Variants in GAD1 observed in about 807,000 individuals in gnomAD.
The protein encoded by GAD1 is 67 kDa glutamic acid decarboxylase.
A neutral mutation model predicts 75.2 loss-of-function variants in GAD1; 35 were observed. That is an observed-to-expected ratio of 0.47 (90% CI 0.36 to 0.62). GAD1 has a LOEUF of 0.62. Ranked by LOEUF, GAD1 falls within the 20% of genes least tolerant of loss-of-function variation. The pLI, the probability that GAD1 is intolerant of heterozygous loss-of-function variation, is 0.00. For synonymous variants in GAD1, 257 were observed against 271.9 expected (o/e 0.95, Z 0.54); for missense variants, 490 against 758.5 (o/e 0.65, Z 4.16).
chr2:170,853,707 G>T lies in GAD1; in HGVS notation c.1264-166G>T. On this transcript the variant is annotated intron_variant, in intron 13 of 16. Transcript: ENST00000358196. The surrounding 1 kb of genome is among the most constrained non-coding windows in gnomAD (Gnocchi z 4.1). ...ACAAAAGGGATGGCAGTTTTTCCAA[G>T]AGTGATTTTAGAAAAGGGCATCAGA... 1 of 663,848 alleles carries T rather than the reference G, an allele frequency of 1.5e-6. No individual in the cohort carries two copies. 41.1% of individuals were successfully genotyped at this position (663,848 alleles called of 1,614,324 possible).
rs766849940 is a variant in GAD1 at position 170,834,012 on chromosome 2, AAGAGAG to A, written c.548-2769_548-2764del. Reference sequence around the variant, plus strand: ...CAGGACCCTGTTTCAAAAAAAAAAAAAGAGAGAGAGAGAGAGAAAGCATTGACTTTC... The same window carrying A: ...CAGGACCCTGTTTCAAAAAAAAAAAAAGAGAGAGAGAAAGCATTGACTTTC... On this transcript the variant is annotated intron_variant, in intron 5 of 16. Coordinates refer to ENST00000358196, the MANE Select transcript of GAD1 (RefSeq NM_000817.3). 4.4e-4 allele frequency among the ~76,000 whole-genome samples: 67 copies of A among 151,196 alleles called. 1 individual carries two copies. The highest frequency in any genetic ancestry group is 3.7e-3 in the Admixed American group (56 of 15,228).
In GAD1 at chr2:170,828,447, C is replaced by T. The variant is rs541834082; in HGVS notation, c.146-1028C>T. ...GTCCTCACCCCTCCTCTTCCCTCCGCGGTCCTCGCTGTCCTCCCTCTGCTG... is the reference window on the plus strand; with the variant it reads ...GTCCTCACCCCTCCTCTTCCCTCCGTGGTCCTCGCTGTCCTCCCTCTGCTG... On this transcript the variant is annotated intron_variant, in intron 3 of 16. Transcript: ENST00000358196. Among the ~76,000 whole-genome samples, 815 of 141,384 alleles carry T rather than the reference C, an allele frequency of 5.8e-3. 1 individual carries two copies. The highest frequency in any genetic ancestry group is 0.02 in the African/African-American group (751 of 37,192). 92.8% of individuals were successfully genotyped at this position (141,384 alleles called of 152,430 possible). A position where few individuals can be genotyped will look rare whatever the true frequency, so the allele number is the denominator to read the frequency against.
intron 5 of GAD1, among the ~76,000 whole-genome samples, chr2:170,831,770 TATA>T (rs1021735345): frequency 6.5e-5 from 9 of 139,516 alleles, no homozygotes; most frequent in Middle Eastern, 3.6e-3. Context: ...AATATTTATA[TATA>T]ATATTTATAT....
chr2:170,858,924 C>G (rs1263221800), intron 16 of GAD1, 31 bp downstream of exon 16: 1 of 1,569,796 alleles, frequency 6.4e-7, no homozygotes, highest in Admixed American at 1.7e-5. Flanking sequence ...TCATCTAATC[C>G]TCTGCAATTT....
chr2:170,845,936 C>A, intron 9 of GAD1, 73 bp from the exon 10 acceptor site: 1 of 1,510,640 alleles, frequency 6.6e-7, no homozygotes, highest in Non-Finnish European at 9.2e-7. Flanking sequence ...CTTTTTGCTG[C>A]TGCTAAAGTT....
At chr2:170,828,700 G>T (rs1702123916) in intron 3 of GAD1, among the ~76,000 whole-genome samples, 1 of 108,396 alleles carries the variant, frequency 9.2e-6, no homozygotes, top group Admixed American at 1.1e-4. Flanking sequence ...CTCCTCCTCT[G>T]TTGTCCACAC....
Position 170,853,136 on chromosome 2 carries a change from C to T in GAD1, c.1263+344C>T. On this transcript the variant is annotated intron_variant, in intron 13 of 16. Transcript: ENST00000358196. The surrounding 1 kb of genome is among the most constrained non-coding windows in gnomAD (Gnocchi z 4.1). ...GTTTTGTCCTCAGTGAGGACAAAAG[C>T]ACTCACTGGAGCATACTCGGAGTTC... The T allele has an allele frequency of 2.7e-6, 1 of 374,738 alleles. No individual in the cohort carries two copies. Among genetic ancestry groups the T allele is most frequent in the South Asian group, 2.7e-5 (1 of 37,130 alleles). 23.2% of individuals were successfully genotyped at this position (374,738 alleles called of 1,614,324 possible).
At chr2:170,840,658 A>AAGGGAGGAAGGGAAGGGAGGGAGGG (rs1553578766) in intron 6 of GAD1, among the ~76,000 whole-genome samples, 5 of 77,348 alleles carry the variant, frequency 6.5e-5, no homozygotes, top group Non-Finnish European at 1.1e-4. Flanking sequence ...GGAGGTAGGG[A>AAGGGAGGAAGGGAAGGGAGGGAGGG]AGGGAGGGAG....
At chr2:170,839,592 C>T (rs1283841429) in intron 6 of GAD1, among the ~76,000 whole-genome samples, 1 of 147,890 alleles carries the variant, frequency 6.8e-6, no homozygotes, top group Admixed American at 6.8e-5. Context: ...CCAGCCCGGG[C>T]GACAGAACGA....
intron 14 of GAD1, among the ~76,000 whole-genome samples, chr2:170,854,478 G>A (rs1702809861): frequency 7.0e-6 from 1 of 142,838 alleles, no homozygotes; most frequent in Admixed American, 7.5e-5. Flanking sequence ...TCGGCTCACT[G>A]CAAGCTCCGC....
Position 170,818,355 on chromosome 2 carries a change from C to T in GAD1, c.-63-174C>T, listed in dbSNP as rs1701767999. On this transcript the variant is annotated intron_variant, in intron 1 of 16. Transcript: ENST00000358196. The surrounding 1 kb of genome is among the most constrained non-coding windows in gnomAD (Gnocchi z 5.9). ...GTACCGGAGCTAGCGCGCACGTCTC[C>T]TCCGCTGCCCCCACCCCTGCGCACC... The T allele has an allele frequency of 5.2e-6, 3 of 578,812 alleles. No individual in the cohort carries two copies. In the Admixed American group the frequency reaches 8.9e-5, roughly 17 times the overall value. The allele number at this position is 578,812 out of a possible 1,614,324, so 35.9% of individuals were successfully genotyped here.
At chr2:170,837,362 T>C (rs895589391) in intron 6 of GAD1, among the ~76,000 whole-genome samples, 1 of 152,270 alleles carries the variant, frequency 6.6e-6, no homozygotes, top group Non-Finnish European at 1.5e-5. Flanking sequence ...ACAGTATATA[T>C]TCTTTTCAAA....
intron 6 of GAD1, chr2:170,842,726 T>C: frequency 1.3e-6 from 2 of 1,589,302 alleles, no homozygotes; most frequent in Non-Finnish European, 8.6e-7. Context: ...AATGGACATA[T>C]TCTTTTTGGA....
In GAD1 at chr2:170,849,289, G is replaced by T. The variant is rs747515399; in HGVS notation, c.1123G>T (p.Ala375Ser). The change falls in exon 12 of 17, where the codon GCC becomes TCC. Residue 375 changes from alanine (A) to serine (S), a missense_variant. Physicochemically the swap from Ala to Ser is moderately conservative, Grantham distance 99. Coordinates refer to ENST00000358196, the MANE Select transcript of GAD1 (RefSeq NM_000817.3). ...TCTCCTTTCTCTGTCCCCACAGGCT[G>T]CCTGGGGAGGTGGGCTGCTCATGTC... ...KYNLWLHVDA[A>S]WGGGLLMSRK... The T allele has an allele frequency of 6.2e-7, 1 of 1,613,996 alleles. No homozygotes were observed. The highest frequency in any genetic ancestry group is 1.1e-5 in the South Asian group (1 of 91,070).
chr2:170,858,956 T>C (rs1702907767), intron 16 of GAD1, 63 bp downstream of exon 16: 2 of 1,398,084 alleles, frequency 1.4e-6, no homozygotes, highest in Non-Finnish European at 2.0e-6. Flanking sequence ...CAGGACATCC[T>C]CATTCCAATG....
At chr2:170,813,811 T>C (rs1701651083), upstream of GAD1, among the ~76,000 whole-genome samples, 1 of 152,168 alleles carries the variant, frequency 6.6e-6, no homozygotes, top group African/African-American at 2.4e-5. Flanking sequence ...CCAGCGGTGG[T>C]TGACCTAAGG....
At chr2:170,826,287 C>T (rs1322692763) in intron 3 of GAD1, among the ~76,000 whole-genome samples, 2 of 152,066 alleles carry the variant, frequency 1.3e-5, no homozygotes, top group African/African-American at 4.8e-5. Flanking sequence ...TGTCGTAGGG[C>T]CGGGCGCAGT....
chr2:170,814,704 C>T (rs1440461491), upstream of GAD1, among the ~76,000 whole-genome samples: 1 of 152,186 alleles, frequency 6.6e-6, no homozygotes, highest in Non-Finnish European at 1.5e-5. Flanking sequence ...CAAAAGTCTT[C>T]ATTCCTCCCC....
At position 170,861,062 on chromosome 2, in the gene GAD1, TG is replaced by T. The variant is rs1243672197; in HGVS notation, c.*1181del. 1 of 152,652 alleles carries T rather than the reference TG, an allele frequency of 6.6e-6. No homozygotes were observed. The highest frequency in any genetic ancestry group is 1.5e-5 in the Non-Finnish European group (1 of 68,044). The allele number at this position is 152,652 out of a possible 1,614,324, so 9.5% of individuals were successfully genotyped here. A position where few individuals can be genotyped will look rare whatever the true frequency, so the allele number is the denominator to read the frequency against. Reference sequence around the variant, plus strand: ...AAGTGACCAGGCTCACAACTGTTTTTGAAGAAGGGAAATTCACACTGTGCGT... The same window carrying T: ...AAGTGACCAGGCTCACAACTGTTTTTAAGAAGGGAAATTCACACTGTGCGT... On this transcript the variant is annotated 3_prime_UTR_variant, in exon 17 of 17. Transcript: ENST00000358196.
Sources: allele counts gnomAD v4.1 joint callset (sites outside exome capture counted in the v4.1 genomes callset), GRCh38; gene constraint gnomAD v4.1.1; non-coding constraint Gnocchi (gnomAD v3.1); transcripts MANE v1.5; gene names NCBI Gene and HGNC (gene_info 2026-07-23, HGNC 2026-07-21).